Variants in BASP1 observed in about 807,000 individuals in gnomAD.
BASP1 encodes brain abundant membrane attached signal protein 1.
A neutral mutation model predicts 2.2 loss-of-function variants in BASP1; 1 was observed. The observed-to-expected ratio is 0.46, with a 90% CI of 0.16 to 2.17. The LOEUF (loss-of-function observed/expected upper bound fraction) is 2.17, where lower values mean the gene tolerates loss of function less well. BASP1 is among the 30% of genes most tolerant of loss of function. The pLI, the probability that BASP1 is intolerant of heterozygous loss-of-function variation, is 0.27. For missense variants in BASP1, 352 were observed against 327.2 expected (o/e 1.08, Z -0.58); for synonymous variants, 187 against 154.2 (o/e 1.21, Z -1.58).
rs1740286828 is a variant in BASP1 at position 17,260,041 on chromosome 5, T to C, written c.-9-15167T>C. On this transcript the variant is annotated intron_variant, in intron 1 of 1. Coordinates refer to ENST00000322611, the MANE Select transcript of BASP1 (RefSeq NM_006317.5). This position sits in a 1 kb window ranked among gnomAD's most constrained non-coding sequence, Gnocchi z 4.2. The stretch of plus-strand genomic sequence containing the variant: ...GTTGTGGTTCACTTACTCCCTTTAT[T>C]GACCAAAAGAGCAGGTGATTCATGT... Among the ~76,000 whole-genome samples, 2 of 152,212 alleles carry C rather than the reference T, an allele frequency of 1.3e-5. No individual in the cohort carries two copies.
At chr5:17,263,013 A>AT (rs1200437838) in intron 1 of BASP1, among the ~76,000 whole-genome samples, 5 of 151,990 alleles carry the variant, frequency 3.3e-5, no homozygotes, top group Non-Finnish European at 5.9e-5. Flanking sequence ...CGCCCGGCTA[A>AT]TTTTTTATAT....
At chr5:17,223,557 AC>A (rs1739432340) in intron 1 of BASP1, among the ~76,000 whole-genome samples, 1 of 152,226 alleles carries the variant, frequency 6.6e-6, no homozygotes, top group Non-Finnish European at 1.5e-5. Flanking sequence ...TACGCTAAAT[AC>A]GTCAGTAGTT....
intron 1 of BASP1, among the ~76,000 whole-genome samples, chr5:17,250,960 G>T (rs1356403428): frequency 6.6e-6 from 1 of 152,186 alleles, no homozygotes; most frequent in African/African-American, 2.4e-5. Context: ...CGATCTACAC[G>T]CTGTTAGATT....
rs1024578234 is a variant in BASP1 at position 17,276,170 on chromosome 5, A to G, written c.*270A>G. 3 of 307,646 alleles carry G rather than the reference A, an allele frequency of 9.8e-6. No individual in the cohort carries two copies. The highest frequency in any genetic ancestry group is 6.5e-5 in the African/African-American group (3 of 46,198). 19.1% of individuals were successfully genotyped at this position (307,646 alleles called of 1,614,324 possible). On this transcript the variant is annotated 3_prime_UTR_variant, in exon 2 of 2. Transcript: ENST00000322611. ...GAAATATCTAATATACCTTCAGTCA[A>G]CTTTACCAAGAAGTCCTGGATTTCC...
At chr5:17,227,902 A>C (rs945673650) in intron 1 of BASP1, among the ~76,000 whole-genome samples, 5 of 152,290 alleles carry the variant, frequency 3.3e-5, no homozygotes, top group Non-Finnish European at 5.9e-5. Flanking sequence ...ATATTTCCCA[A>C]GGCTCACCCA....
chr5:17,246,159 ACT>A (rs996180474), intron 1 of BASP1, among the ~76,000 whole-genome samples: 87 of 152,048 alleles, frequency 5.7e-4, no homozygotes, highest in African/African-American at 2.0e-3. Flanking sequence ...GACAGTTGAG[ACT>A]CTCTTGACAA....
rs1186245322 is a variant in BASP1 at position 17,224,450 on chromosome 5, CA to C, written c.-10+6641del. Among the ~76,000 whole-genome samples, 9 of 131,304 alleles carry C rather than the reference CA, an allele frequency of 6.9e-5. No homozygotes were observed. In the East Asian group the frequency reaches 8.7e-4, roughly 13 times the overall value. 86.1% of individuals were successfully genotyped at this position (131,304 alleles called of 152,430 possible). On this transcript the variant is annotated intron_variant, in intron 1 of 1. Transcript: ENST00000322611. Reference sequence around the variant, plus strand: ...TTTATCTTAGGTAATATGGACTCTTCAGGGGGGGAAAAAAGGGGAAGGGGGG... The same window carrying C: ...TTTATCTTAGGTAATATGGACTCTTCGGGGGGGAAAAAAGGGGAAGGGGGG...
chr5:17,243,275 A>C (rs1739908072), intron 1 of BASP1, among the ~76,000 whole-genome samples: 1 of 151,900 alleles, frequency 6.6e-6, no homozygotes, highest in South Asian at 2.1e-4. Context: ...TAACCCCCCG[A>C]GTAGCTGGGA....
At chr5:17,253,474 A>C (rs914602901) in intron 1 of BASP1, among the ~76,000 whole-genome samples, 2 of 152,198 alleles carry the variant, frequency 1.3e-5, no homozygotes, top group Admixed American at 1.3e-4. Flanking sequence ...TGGCCTCCCA[A>C]AGTGCTGGGA....
chr5:17,274,699 C>T (rs148283921), intron 1 of BASP1, among the ~76,000 whole-genome samples: 85 of 152,338 alleles, frequency 5.6e-4, no homozygotes, highest in African/African-American at 1.9e-3. Flanking sequence ...ATTCCCTCAA[C>T]TGGCTATGAT....
At chr5:17,265,468 G>C (rs185736278) in intron 1 of BASP1, among the ~76,000 whole-genome samples, 286 of 152,186 alleles carry the variant, frequency 1.9e-3, no homozygotes, top group Non-Finnish European at 3.4e-3. Context: ...CCATAATTTT[G>C]CTTGCCGCCA....
intron 1 of BASP1, among the ~76,000 whole-genome samples, chr5:17,221,762 A>G (rs1487540726): frequency 6.6e-6 from 1 of 152,158 alleles, no homozygotes; most frequent in African/African-American, 2.4e-5. Flanking sequence ...GTGGACAACT[A>G]TTAGGAAGGA....
At chr5:17,237,564 G>A (rs1251932980) in intron 1 of BASP1, among the ~76,000 whole-genome samples, 2 of 151,462 alleles carry the variant, frequency 1.3e-5, no homozygotes, top group African/African-American at 2.4e-5. Flanking sequence ...CTGGAAATAA[G>A]ATGCTTAAAC....
At position 17,275,856 on chromosome 5, in the gene BASP1, G is replaced by GC; in HGVS notation, c.644dup (p.Ala216GlyfsTer3). 2 of 1,603,256 alleles carry GC rather than the reference G, an allele frequency of 1.2e-6. No individual in the cohort carries two copies. Among genetic ancestry groups the GC allele is most frequent in the South Asian group, 2.2e-5 (2 of 89,868 alleles). On this transcript the variant is annotated frameshift_variant, in exon 2 of 2. Transcript: ENST00000322611. LOFTEE classifies it high-confidence loss of function. This position sits in a 1 kb window ranked among gnomAD's most constrained non-coding sequence, Gnocchi z 5.3. Reference sequence around the variant, plus strand: ...TGCAGAAGAGCCCAAGCCGGTGGAGGCCCCGGCAGCTAATTCCGACCAAAC... The same window carrying GC: ...TGCAGAAGAGCCCAAGCCGGTGGAGGCCCCCGGCAGCTAATTCCGACCAAAC...
At position 17,275,944 on chromosome 5, in the gene BASP1, CCTCTCTCTCT is replaced by C. The variant is rs59080603; in HGVS notation, c.*61_*70del. 1.4e-3 allele frequency: 1,498 copies of C among 1,084,346 alleles called. 11 individuals carry two copies. The African/African-American group carries it at 0.02, about 15-fold the overall frequency. 67.2% of individuals were successfully genotyped at this position (1,084,346 alleles called of 1,614,324 possible). A position where few individuals can be genotyped will look rare whatever the true frequency, so the allele number is the denominator to read the frequency against. ...AAAACAATACCACTTAAAACAATCT[CCTCTCTCTCT>C]CTCTCTCTCTCTCTCTATCTCTCTC... On this transcript the variant is annotated 3_prime_UTR_variant, in exon 2 of 2. Transcript: ENST00000322611. This position sits in a 1 kb window ranked among gnomAD's most constrained non-coding sequence, Gnocchi z 5.3.
Position 17,236,985 on chromosome 5 carries a change from T to G in BASP1, c.-10+19175T>G, listed in dbSNP as rs1021871790. ...AGATTTTTCTGTATACTTTGAAAGC[T>G]AATGAAATCTACCAGCCCACCGGGT... is the stretch of plus-strand genomic sequence containing the variant. On this transcript the variant is annotated intron_variant, in intron 1 of 1. Transcript: ENST00000322611. This position sits in a 1 kb window ranked among gnomAD's most constrained non-coding sequence, Gnocchi z 4.0. Among the ~76,000 whole-genome samples, 1 of 152,214 alleles carries G rather than the reference T, an allele frequency of 6.6e-6. No individual in the cohort carries two copies. Among genetic ancestry groups the G allele is most frequent in the African/African-American group, 2.4e-5 (1 of 41,454 alleles).
Position 17,275,361 on chromosome 5 carries a change from G to A in BASP1, c.145G>A (p.Ala49Thr), listed in dbSNP as rs758132970. Residue 49 changes from alanine (A) to threonine (T), a missense_variant, in exon 2 of 2, where the codon GCC becomes ACC. By Grantham distance (58) the Ala-to-Thr change is moderately conservative. Transcript: ENST00000322611. This position sits in a 1 kb window ranked among gnomAD's most constrained non-coding sequence, Gnocchi z 5.3. ...TGAGCCCCAGGCGGCCGCAGAGCCCGCCGAGGCCAAGGAGGGCAAGGAGAA... is the reference window on the plus strand; with the variant it reads ...TGAGCCCCAGGCGGCCGCAGAGCCCACCGAGGCCAAGGAGGGCAAGGAGAA... ...ESEPQAAAEP[A>T]EAKEGKEKPD... 10 of 1,601,102 alleles carry A rather than the reference G, an allele frequency of 6.2e-6. No homozygotes were observed. The highest frequency in any genetic ancestry group is 5.5e-5 in the South Asian group (5 of 90,118).
intron 1 of BASP1, among the ~76,000 whole-genome samples, chr5:17,223,823 A>G (rs1379959884): frequency 6.6e-6 from 1 of 152,158 alleles, no homozygotes. Flanking sequence ...CATTTGAAAG[A>G]AGTCTAAGTC....
Position 17,270,070 on chromosome 5 carries a change from G to A in BASP1, c.-9-5138G>A, listed in dbSNP as rs879291380. On this transcript the variant is annotated intron_variant, in intron 1 of 1. Coordinates refer to ENST00000322611, the MANE Select transcript of BASP1 (RefSeq NM_006317.5). ...GGGTGGAGTGCAATTGTGCGATCTC[G>A]GCTCACCGCAACCTCCACTTCCCAG... 1.4e-4 allele frequency among the ~76,000 whole-genome samples: 21 copies of A among 152,108 alleles called. 1 individual carries two copies. Among genetic ancestry groups the A allele is most frequent in the Admixed American group, 4.6e-4 (7 of 15,264 alleles).
Sources: gnomAD v4.1 joint callset for allele counts (sites outside exome capture counted in the v4.1 genomes callset) on GRCh38, gnomAD v4.1.1 for gene constraint, Gnocchi (gnomAD v3.1) non-coding constraint, MANE v1.5 for transcripts, NCBI Gene and HGNC (gene_info 2026-07-23, HGNC 2026-07-21) for gene names.